Variants in RBMS3 observed in about 807,000 individuals in gnomAD.
RBMS3 encodes RNA-binding motif, single-stranded-interacting protein 3.
In RBMS3, 27 loss-of-function variants were observed where a neutral mutation model predicts 66.8. The ratio of observed to expected loss-of-function variants is 0.40; its 90% CI spans 0.30 to 0.56. The LOEUF is 0.56. Among genes scored for constraint, RBMS3 ranks in the 20% least tolerant of loss-of-function variants. The pLI is 0.40. For missense variants in RBMS3, 513 were observed against 549.5 expected (o/e 0.93, Z 0.66); for synonymous variants, 188 against 183.0 (o/e 1.03, Z -0.22).
intron 6 of RBMS3, among the ~76,000 whole-genome samples, chr3:29,774,790 AG>A (rs1227054886): frequency 1.3e-5 from 2 of 152,100 alleles, no homozygotes; most frequent in African/African-American, 4.8e-5. Context: ...TCTTTTATTA[AG>A]CCAGAAATTA....
rs576650586 is a variant in RBMS3, at chr3:29,712,994, C to G, written c.400-26726C>G. On this transcript the variant is annotated intron_variant, in intron 4 of 14. Coordinates refer to ENST00000383767, the MANE Select transcript of RBMS3 (RefSeq NM_001003793.3). ...CAGAGATAGAAAGAGAGAGATATCT[C>G]TTATTGGTTCTGGTTCTCAGGAGAA... Among the ~76,000 whole-genome samples, 5 of 152,218 alleles carry G rather than the reference C, an allele frequency of 3.3e-5. No individual in the cohort carries two copies. In the South Asian group the frequency reaches 1.0e-3, roughly 32 times the overall value.
At chr3:29,471,429 C>G (rs74405069) in intron 2 of RBMS3, among the ~76,000 whole-genome samples, 16,999 of 152,180 alleles carry the variant, frequency 0.11, 1,094 homozygotes, top group Non-Finnish European at 0.14. Flanking sequence ...AATATATCAA[C>G]TTTTACTTTG....
chr3:29,970,555 T>C (rs1230985751), intron 12 of RBMS3, among the ~76,000 whole-genome samples: 2 of 152,218 alleles, frequency 1.3e-5, no homozygotes, highest in Non-Finnish European at 2.9e-5. Flanking sequence ...TTGAGTTGAT[T>C]ATATCCAATT....
intron 4 of RBMS3, among the ~76,000 whole-genome samples, chr3:29,592,254 A>T (rs2047766999): frequency 1.3e-5 from 2 of 152,086 alleles, no homozygotes; most frequent in African/African-American, 4.8e-5. Flanking sequence ...AAGCCATATC[A>T]GTTATATTCC....
At chr3:29,403,575 A>C (rs2039897097) in intron 1 of RBMS3, among the ~76,000 whole-genome samples, 1 of 152,128 alleles carries the variant, frequency 6.6e-6, no homozygotes, top group South Asian at 2.1e-4. Context: ...TCAGACTGGA[A>C]GAAGCAATGG....
At chr3:29,295,179 A>G (rs2033137346) in intron 1 of RBMS3, among the ~76,000 whole-genome samples, 1 of 150,554 alleles carries the variant, frequency 6.6e-6, no homozygotes, top group Admixed American at 6.7e-5. Flanking sequence ...GGTTTTTCCA[A>G]GTTGTGCTGA....
intron 1 of RBMS3, among the ~76,000 whole-genome samples, chr3:29,397,604 T>C (rs9879883): frequency 0.02 from 3,033 of 152,190 alleles, 108 homozygotes; most frequent in African/African-American, 0.069. Context: ...GACAGCCATG[T>C]CCCAAAACTC....
intron 1 of RBMS3, among the ~76,000 whole-genome samples, chr3:29,320,701 A>C (rs2034955739): frequency 6.6e-6 from 1 of 152,050 alleles, no homozygotes. Context: ...TGGAGTCATA[A>C]GAGATGTATT....
intron 1 of RBMS3, among the ~76,000 whole-genome samples, chr3:29,388,435 C>CT (rs1014751080): frequency 2.6e-4 from 39 of 152,256 alleles, no homozygotes; most frequent in African/African-American, 7.2e-4. Flanking sequence ...GACTGTTTAT[C>CT]TTTTTTTATC....
chr3:29,844,240 G>A (rs2058727661), intron 6 of RBMS3, among the ~76,000 whole-genome samples: 2 of 152,052 alleles, frequency 1.3e-5, no homozygotes, highest in Middle Eastern at 6.8e-3. Context: ...TTGTTTTTTT[G>A]TTGTGTTTTG....
At chr3:29,475,614 A>G (rs2042920318) in intron 2 of RBMS3, among the ~76,000 whole-genome samples, 1 of 152,168 alleles carries the variant, frequency 6.6e-6, no homozygotes, top group Admixed American at 6.5e-5. Flanking sequence ...CTCCAGGAAC[A>G]TTACCAAATC....
At chr3:29,687,680 A>T (rs1380528405) in intron 4 of RBMS3, among the ~76,000 whole-genome samples, 4 of 152,222 alleles carry the variant, frequency 2.6e-5, no homozygotes, top group Non-Finnish European at 5.9e-5. Context: ...ATAAAACATT[A>T]TAACAGCAAA....
chr3:29,281,541 TTGGAACTAGCGAG>T lies in RBMS3; in HGVS notation c.-137_-125del, dbSNP rs2125405548. ...GTTTTTTAAAAAAATTCTTGCTGTGTTGGAACTAGCGAGTGGTGGAGTCTCTGAAGCCTCATCA... is the reference window on the plus strand; with the variant it reads ...GTTTTTTAAAAAAATTCTTGCTGTGTTGGTGGAGTCTCTGAAGCCTCATCA... On this transcript the variant is annotated 5_prime_UTR_variant, in exon 1 of 15. Coordinates refer to ENST00000383767, the MANE Select transcript of RBMS3 (RefSeq NM_001003793.3). 6.2e-6 allele frequency: 4 copies of T among 649,172 alleles called. No individual in the cohort carries two copies. The highest frequency in any genetic ancestry group is 1.1e-5 in the Non-Finnish European group (4 of 366,084). The allele number at this position is 649,172 out of a possible 1,614,324, so 40.2% of individuals were successfully genotyped here.
chr3:29,726,189 G>A (rs1252960935), intron 4 of RBMS3, among the ~76,000 whole-genome samples: 1 of 152,082 alleles, frequency 6.6e-6, no homozygotes, highest in Non-Finnish European at 1.5e-5. Context: ...CAATATACTA[G>A]GTACTGTTAG....
At chr3:29,339,953 C>G (rs761773460) in intron 1 of RBMS3, among the ~76,000 whole-genome samples, 17 of 152,048 alleles carry the variant, frequency 1.1e-4, no homozygotes, top group South Asian at 2.1e-4. Flanking sequence ...ATCCTTTGCA[C>G]CTAAGGAGAT....
chr3:29,636,439 G>A lies in RBMS3; in HGVS notation c.399+49234G>A, dbSNP rs565735493. ...TCAAACACACTACAGCCAATAAATG[G>A]CTGTCACTAGAATGCTCTGTCACTG... On this transcript the variant is annotated intron_variant, in intron 4 of 14. Coordinates refer to ENST00000383767, the MANE Select transcript of RBMS3 (RefSeq NM_001003793.3). Among the ~76,000 whole-genome samples the A allele has an allele frequency of 1.3e-3, 193 of 151,978 alleles. 1 individual carries two copies. Among genetic ancestry groups the A allele is most frequent in the Non-Finnish European group, 2.4e-3 (166 of 67,894 alleles).
chr3:29,451,396 T>C (rs970567491), intron 2 of RBMS3, among the ~76,000 whole-genome samples: 1 of 152,172 alleles, frequency 6.6e-6, no homozygotes, highest in Non-Finnish European at 1.5e-5. Flanking sequence ...AACTCCCCCC[T>C]TTCTAGGCTT....
intron 14 of RBMS3, among the ~76,000 whole-genome samples, chr3:29,994,612 G>T (rs1169027223): frequency 6.6e-6 from 1 of 152,178 alleles, no homozygotes; most frequent in Non-Finnish European, 1.5e-5. Context: ...CCTCAAGTGG[G>T]TCCCTGACCC....
chr3:29,883,059 G>GA (rs951586663), intron 7 of RBMS3, among the ~76,000 whole-genome samples: 234 of 150,356 alleles, frequency 1.6e-3, no homozygotes, highest in African/African-American at 5.1e-3. Flanking sequence ...TTCGAAAAAA[G>GA]AAAAAAAAAT....
Sources: allele counts gnomAD v4.1 joint callset (sites outside exome capture counted in the v4.1 genomes callset), GRCh38; gene constraint gnomAD v4.1.1; transcripts MANE v1.5; gene names NCBI Gene and HGNC (gene_info 2026-07-23, HGNC 2026-07-21).